The following ZNF611 variants were observed in gnomAD, a reference collection of about 807,000 sequenced individuals.
ZNF611 encodes zinc finger protein 611.
A neutral mutation model predicts 8.9 loss-of-function variants in ZNF611; 6 were observed. The ratio of observed to expected loss-of-function variants is 0.68; its 90% CI spans 0.37 to 1.34. The LOEUF is 1.34. ZNF611 is among the 40% of genes most tolerant of loss of function. The pLI is 0.02. For missense variants in ZNF611, 874 were observed against 841.3 expected, an observed-to-expected ratio of 1.04 and a Z score of -0.48; for synonymous variants, 262 against 279.7, an observed-to-expected ratio of 0.94 and a Z score of 0.63.
At position 52,715,768 on chromosome 19, in the gene ZNF611, C is replaced by T. The variant is rs1227457663; in HGVS notation, c.63+64G>A. Reference sequence around the variant, plus strand: ...CTTCAGACTCAGAAAAGACTGGCTGCTACAATACCTGGCATTTCAGAAACG... The same window carrying T: ...CTTCAGACTCAGAAAAGACTGGCTGTTACAATACCTGGCATTTCAGAAACG... On this transcript the variant is annotated intron_variant, in intron 4 of 5. Coordinates refer to ENST00000652185, the MANE Select transcript of ZNF611 (RefSeq NM_001161499.2). The T allele has an allele frequency of 1.6e-5, 25 of 1,597,558 alleles. No individual in the cohort carries two copies. The South Asian group carries it at 2.4e-4, about 15-fold the overall frequency.
In ZNF611 at chr19:52,705,945, G is replaced by C. The variant is rs10409272; in HGVS notation, c.1110C>G (p.Tyr370Ter). 24 of 1,613,942 alleles carry C rather than the reference G, an allele frequency of 1.5e-5. No individual in the cohort carries two copies. The highest frequency in any genetic ancestry group is 2.0e-5 in the Non-Finnish European group (24 of 1,180,022). Residue 370 changes from tyrosine to a stop codon, truncating the protein, a stop_gained, in exon 6 of 6, where the codon TAC (tyrosine) becomes TAG (stop). Coordinates refer to ENST00000652185, the MANE Select transcript of ZNF611 (RefSeq NM_001161499.2). LOFTEE classifies it low-confidence loss of function (END_TRUNC). ...AAACTTTGTCACATTCTTCACATTT[G>C]TAAGGTTTCTCTCCAGTATGAATTC... ...HHRIHTGEKP[Y>*]KCEECDKVFS...
At chr19:52,726,416 CT>C (rs1164689533) in intron 3 of ZNF611, among the ~76,000 whole-genome samples, 2 of 152,010 alleles carry the variant, frequency 1.3e-5, no homozygotes, top group African/African-American at 2.4e-5. Flanking sequence ...CTTTTCTTTC[CT>C]TTTTATTTAT....
intron 3 of ZNF611, among the ~76,000 whole-genome samples, chr19:52,726,125 C>T (rs1273660297): frequency 1.3e-5 from 2 of 152,230 alleles, no homozygotes; most frequent in Non-Finnish European, 2.9e-5. Context: ...TCTCCATTCA[C>T]TCAGGAGGGA....
intron 3 of ZNF611, chr19:52,717,797 T>C (rs995842642): frequency 1.6e-5 from 9 of 569,172 alleles, no homozygotes; most frequent in Admixed American, 1.3e-4. Context: ...TGGAATAGGC[T>C]ACTTGAACTA....
intron 3 of ZNF611, among the ~76,000 whole-genome samples, chr19:52,725,523 G>T (rs1246580255): frequency 6.6e-6 from 1 of 152,214 alleles, no homozygotes; most frequent in Admixed American, 6.5e-5. Flanking sequence ...ATAGCAGAAA[G>T]ACCGGGGACG....
At position 52,712,083 on chromosome 19, in the gene ZNF611, C is replaced by T. The variant is rs140116385; in HGVS notation, c.190+1932G>A. ...GGCAAGGGACAAGAATGAAAGAGAT[C>T]CAACAATGCAGCAGTACGGTGGCCT... On this transcript the variant is annotated intron_variant, in intron 5 of 5. Transcript: ENST00000652185. Among the ~76,000 whole-genome samples, 6 of 152,154 alleles carry T rather than the reference C, an allele frequency of 3.9e-5. No homozygotes were observed. The East Asian group carries it at 9.6e-4, about 24-fold the overall frequency.
intron 3 of ZNF611, 93 bp from the exon 4 acceptor site, chr19:52,716,006 G>C: frequency 6.9e-7 from 1 of 1,452,664 alleles, no homozygotes. Flanking sequence ...TCACCCTGTA[G>C]AAAGAAGTCC....
intron 4 of ZNF611, among the ~76,000 whole-genome samples, chr19:52,715,579 C>A (rs990137661): frequency 6.6e-6 from 1 of 152,162 alleles, no homozygotes; most frequent in Admixed American, 6.6e-5. Flanking sequence ...GGGCTCACAC[C>A]CCATGTTTAT....
intron 3 of ZNF611, among the ~76,000 whole-genome samples, chr19:52,719,695 C>A (rs1044074105): frequency 6.6e-6 from 1 of 152,198 alleles, no homozygotes; most frequent in African/African-American, 2.4e-5. Flanking sequence ...CCATCTGTTT[C>A]TTTTCTGCAT....
In ZNF611 at chr19:52,705,385, G is replaced by A; in HGVS notation, c.1670C>T (p.Thr557Ile). 1 of 1,613,882 alleles carries A rather than the reference G, an allele frequency of 6.2e-7. No homozygotes were observed. Among genetic ancestry groups the A allele is most frequent in the Non-Finnish European group, 8.5e-7 (1 of 1,179,980 alleles). The change falls in exon 6 of 6, where the codon ACT becomes ATT. Residue 557 changes from threonine (T) to isoleucine (I), a missense_variant. Transcript: ENST00000652185. The stretch of plus-strand genomic sequence containing the variant: ...AGGTTTCTCTCCACTATGAATTCTA[G>A]TATGTTTTGCCAGATAGGAATGACA... Reference protein sequence around the residue: ...FACHSYLAKHTRIHSGEKPYK... With the variant: ...FACHSYLAKHIRIHSGEKPYK...
At chr19:52,732,781 CAAAA>C (rs67203350) in intron 1 of ZNF611, among the ~76,000 whole-genome samples, 2 of 124,480 alleles carry the variant, frequency 1.6e-5, no homozygotes. Context: ...TCCGTTTCTA[CAAAA>C]AAAAAAAAAA....
intron 4 of ZNF611, among the ~76,000 whole-genome samples, chr19:52,714,578 C>T (rs2062302439): frequency 6.6e-6 from 1 of 151,218 alleles, no homozygotes; most frequent in Non-Finnish European, 1.5e-5. Context: ...ATCCCAGCTA[C>T]ACAGGAGGCT....
chr19:52,725,821 C>T (rs1264616022), intron 3 of ZNF611, among the ~76,000 whole-genome samples: 3 of 152,282 alleles, frequency 2.0e-5, no homozygotes, highest in African/African-American at 7.2e-5. Context: ...GGTGGCGGGG[C>T]CTGGGTGGGA....
chr19:52,706,761 A>C lies in ZNF611; in HGVS notation c.294T>G (p.Ile98Met). 1 of 1,614,172 alleles carries C rather than the reference A, an allele frequency of 6.2e-7. No homozygotes were observed. Among genetic ancestry groups the C allele is most frequent in the Non-Finnish European group, 8.5e-7 (1 of 1,180,026 alleles). The change falls in exon 6 of 6, where the codon ATT becomes ATG. Residue 98 changes from isoleucine (I) to methionine (M), a missense_variant. Coordinates refer to ENST00000652185, the MANE Select transcript of ZNF611 (RefSeq NM_001161499.2). Reference sequence around the variant, plus strand: ...CAATTTCCTGGAAGCAAAAATCTCCAATGTGATGACTTTCATGTCTTTGCA... The same window carrying C: ...CAATTTCCTGGAAGCAAAAATCTCCCATGTGATGACTTTCATGTCTTTGCA... ...GTLQRHESHHIGDFCFQEIEK... is the reference protein window; with the variant it reads ...GTLQRHESHHMGDFCFQEIEK...
chr19:52,721,625 G>C (rs144034245), intron 3 of ZNF611, among the ~76,000 whole-genome samples: 1 of 151,988 alleles, frequency 6.6e-6, no homozygotes, highest in South Asian at 2.1e-4. Flanking sequence ...CCCAGATCAC[G>C]GCAGTACTGT....
At chr19:52,725,884 C>G (rs1409135678) in intron 3 of ZNF611, among the ~76,000 whole-genome samples, 1 of 151,746 alleles carries the variant, frequency 6.6e-6, no homozygotes, top group Non-Finnish European at 1.5e-5. Context: ...AGGCAAAGGG[C>G]GGGGCCGGGA....
chr19:52,705,190 T>C lies in ZNF611; in HGVS notation c.1865A>G (p.Tyr622Cys). 2 of 1,614,204 alleles carry C rather than the reference T, an allele frequency of 1.2e-6. No individual in the cohort carries two copies. Among genetic ancestry groups the C allele is most frequent in the Non-Finnish European group, 1.7e-6 (2 of 1,180,034 alleles). Reference sequence around the variant, plus strand: ...GGTATTGCCACACTCATTACACTTGTAAGGTTTCTCACCACTATGAAGTCT... The same window carrying C: ...GGTATTGCCACACTCATTACACTTGCAAGGTTTCTCACCACTATGAAGTCT... ...HRRLHSGEKP[Y>C]KCNECGNTFR... The change falls in exon 6 of 6, where the codon TAC becomes TGC. Residue 622 changes from tyrosine (Y) to cysteine (C), a missense_variant. Tyr to Cys is a radical substitution (Grantham distance 194). Coordinates refer to ENST00000652185, the MANE Select transcript of ZNF611 (RefSeq NM_001161499.2).
At position 52,705,649 on chromosome 19, in the gene ZNF611, A is replaced by G. The variant is rs1025155698; in HGVS notation, c.1406T>C (p.Leu469Pro). 1.2e-6 allele frequency: 2 copies of G among 1,613,706 alleles called. No homozygotes were observed. Among genetic ancestry groups the G allele is most frequent in the African/African-American group, 2.7e-5 (2 of 74,904 alleles). The stretch of plus-strand genomic sequence containing the variant: ...ACAGTCAATTCTAGTATGTTTTGCC[A>G]GTTGTGAACTCCACACAAAAGCCTT... ...CDKAFVWSSQLAKHTRIDCGE... is the reference protein window; with the variant it reads ...CDKAFVWSSQPAKHTRIDCGE... The change falls in exon 6 of 6, where the codon CTG becomes CCG. Residue 469 changes from leucine to proline, a missense_variant. Transcript: ENST00000652185.
chr19:52,707,931 G>T (rs2062256008), intron 5 of ZNF611, among the ~76,000 whole-genome samples: 1 of 152,032 alleles, frequency 6.6e-6, no homozygotes, highest in African/African-American at 2.4e-5. Flanking sequence ...GCACCTGGTG[G>T]CACTTTGTGA....
Sources: gnomAD v4.1 joint callset for allele counts (sites outside exome capture counted in the v4.1 genomes callset) on GRCh38, gnomAD v4.1.1 for gene constraint, MANE v1.5 for transcripts, NCBI Gene and HGNC (gene_info 2026-07-23, HGNC 2026-07-21) for gene names.